The following CNTN3 variants were observed in gnomAD, a reference collection of about 807,000 sequenced individuals.
CNTN3 encodes contactin 3, also known as contactin-3.
A neutral mutation model predicts 119.1 loss-of-function variants in CNTN3; 60 were observed. That is an observed-to-expected ratio of 0.50 (90% CI 0.41 to 0.62). CNTN3 has a LOEUF of 0.62. Among genes scored for constraint, CNTN3 ranks in the 20% least tolerant of loss-of-function variants. CNTN3 has a pLI of 0.00. For missense variants in CNTN3, 1,101 were observed against 1,242.4 expected (o/e 0.89, Z 1.71); for synonymous variants, 450 against 438.7 (o/e 1.03, Z -0.32).
chr3:74,296,683 C>G (rs1559687370), intron 18 of CNTN3, among the ~76,000 whole-genome samples: 1 of 152,122 alleles, frequency 6.6e-6, no homozygotes, highest in Non-Finnish European at 1.5e-5. Context: ...GGCAAAGGCC[C>G]TTGGTTAAAA....
chr3:74,407,144 T>A lies in CNTN3; in HGVS notation c.454+17701A>T, dbSNP rs571610434. On this transcript the variant is annotated intron_variant, in intron 5 of 22. Coordinates refer to ENST00000263665, the MANE Select transcript of CNTN3 (RefSeq NM_020872.3). ...AACTGGAATTTGTTCTATTTTTCTA[T>A]GTAATGCTAAGATAAAGAAATGTGG... is the stretch of plus-strand genomic sequence containing the variant. Among the ~76,000 whole-genome samples, 11 of 152,250 alleles carry A rather than the reference T, an allele frequency of 7.2e-5. No individual in the cohort carries two copies. In the South Asian group the frequency reaches 2.1e-3, roughly 29 times the overall value.
At chr3:74,475,620 G>C (rs887581946) in intron 4 of CNTN3, among the ~76,000 whole-genome samples, 1 of 152,176 alleles carries the variant, frequency 6.6e-6, no homozygotes, top group African/African-American at 2.4e-5. Context: ...AGGAACGGTG[G>C]AAATGAGTAT....
At chr3:74,371,075 T>G (rs1042484810) in intron 6 of CNTN3, 121 bp downstream of exon 6, 15 of 686,330 alleles carry the variant, frequency 2.2e-5, no homozygotes, top group Non-Finnish European at 3.6e-5. Context: ...TAAAATAGTC[T>G]GTGCCAAAAA....
In CNTN3 at chr3:74,574,475, T is replaced by A. The variant is rs578217378; in HGVS notation, c.-81+39916A>T. On this transcript the variant is annotated intron_variant, in intron 1 of 22. Transcript: ENST00000263665. ...TTAGAACATTTTATCAAAACTGAAA[T>A]CTAACTTCTAAGATCCCTGCTTTAT... Among the ~76,000 whole-genome samples, 4 of 152,296 alleles carry A rather than the reference T, an allele frequency of 2.6e-5. No homozygotes were observed. The East Asian group carries it at 7.7e-4, about 29-fold the overall frequency.
chr3:74,558,207 T>C (rs995490169), intron 1 of CNTN3, among the ~76,000 whole-genome samples: 5 of 152,170 alleles, frequency 3.3e-5, no homozygotes, highest in African/African-American at 1.2e-4. Flanking sequence ...GAACCCCCCA[T>C]AGGATGGGCT....
chr3:74,366,651 T>C (rs1704195356), intron 8 of CNTN3, among the ~76,000 whole-genome samples: 1 of 151,698 alleles, frequency 6.6e-6, no homozygotes, highest in Non-Finnish European at 1.5e-5. Context: ...TCTTTCCATT[T>C]CTAGCTCATA....
At position 74,508,968 on chromosome 3, in the gene CNTN3, T is replaced by G. The variant is rs572513297; in HGVS notation, c.56-9183A>C. ...TGAAAGAGTATCACTGGGCCCAAGA[T>G]ACAGTAAAGACAAGAGAGCCCTCCT... On this transcript the variant is annotated intron_variant, in intron 2 of 22. Coordinates refer to ENST00000263665, the MANE Select transcript of CNTN3 (RefSeq NM_020872.3). Among the ~76,000 whole-genome samples, 7 of 152,242 alleles carry G rather than the reference T, an allele frequency of 4.6e-5. No individual in the cohort carries two copies. The South Asian group carries it at 1.5e-3, about 32-fold the overall frequency.
intron 20 of CNTN3, among the ~76,000 whole-genome samples, chr3:74,270,872 G>GA (rs1042339567): frequency 4.4e-4 from 67 of 152,116 alleles, no homozygotes; most frequent in Non-Finnish European, 4.9e-4. Flanking sequence ...TGCTAAATTA[G>GA]AAAAAACTGG....
intron 14 of CNTN3, 117 bp from the exon 15 acceptor site, chr3:74,301,922 A>G: frequency 8.9e-7 from 1 of 1,118,718 alleles, no homozygotes; most frequent in East Asian, 2.4e-5. Context: ...TCCCAATTTC[A>G]GAAGCACTTA....
intron 13 of CNTN3, among the ~76,000 whole-genome samples, chr3:74,309,225 T>C (rs1445525574): frequency 6.6e-6 from 1 of 152,084 alleles, no homozygotes; most frequent in East Asian, 1.9e-4. Flanking sequence ...CCACGTCAGC[T>C]TTCTGGGTAG....
chr3:74,348,968 C>A (rs1703755895), intron 11 of CNTN3, among the ~76,000 whole-genome samples: 1 of 151,728 alleles, frequency 6.6e-6, no homozygotes, highest in South Asian at 2.1e-4. Context: ...TGGCTGTAGT[C>A]CCAGCCACTC....
intron 3 of CNTN3, among the ~76,000 whole-genome samples, chr3:74,498,145 G>A (rs1184329813): frequency 6.6e-6 from 1 of 151,754 alleles, no homozygotes; most frequent in African/African-American, 2.4e-5. Context: ...GCCCACACAT[G>A]AGTCATTCAC....
At chr3:74,400,226 C>T (rs1448236135) in intron 5 of CNTN3, among the ~76,000 whole-genome samples, 3 of 152,166 alleles carry the variant, frequency 2.0e-5, no homozygotes, top group Non-Finnish European at 4.4e-5. Flanking sequence ...CTTTCTTCTC[C>T]TTCAAAGATC....
intron 12 of CNTN3, among the ~76,000 whole-genome samples, chr3:74,335,592 C>T (rs1703373730): frequency 6.6e-6 from 1 of 152,090 alleles, no homozygotes; most frequent in South Asian, 2.1e-4. Context: ...ATGTTGTCTA[C>T]AATTATGCTA....
intron 4 of CNTN3, among the ~76,000 whole-genome samples, chr3:74,439,586 T>A (rs1290720781): frequency 6.6e-6 from 1 of 152,178 alleles, no homozygotes; most frequent in East Asian, 1.9e-4. Context: ...AATATTTACA[T>A]AAGCAAACCA....
At chr3:74,328,194 T>C (rs1703175454) in intron 13 of CNTN3, among the ~76,000 whole-genome samples, 1 of 152,120 alleles carries the variant, frequency 6.6e-6, no homozygotes, top group Admixed American at 6.6e-5. Context: ...AGCAAATTGA[T>C]CTACTGATAG....
chr3:74,383,212 T>C (rs1432395599), intron 5 of CNTN3, among the ~76,000 whole-genome samples: 2 of 152,060 alleles, frequency 1.3e-5, no homozygotes, highest in Non-Finnish European at 2.9e-5. Context: ...TTAAATGATA[T>C]AAAGACACTT....
In CNTN3 at chr3:74,299,611, T is replaced by C. The variant is rs147033708; in HGVS notation, c.2166+257A>G. ...AGGATGACATGAGGAAAATACATGC[T>C]AAATGCTGGGAATAGTGGATGGCTC... On this transcript the variant is annotated intron_variant, in intron 17 of 22. Transcript: ENST00000263665. Among the ~76,000 whole-genome samples the C allele has an allele frequency of 2.0e-5, 3 of 152,326 alleles. No homozygotes were observed. The East Asian group carries it at 5.8e-4, about 29-fold the overall frequency.
At chr3:74,380,070 G>A (rs1381693101) in intron 5 of CNTN3, among the ~76,000 whole-genome samples, 1 of 152,148 alleles carries the variant, frequency 6.6e-6, no homozygotes, top group East Asian at 1.9e-4. Flanking sequence ...TTCCCAAAAC[G>A]ACAGCACTGG....
Sources: gnomAD v4.1 joint callset for allele counts (sites outside exome capture counted in the v4.1 genomes callset) on GRCh38, gnomAD v4.1.1 for gene constraint, MANE v1.5 for transcripts, NCBI Gene and HGNC (gene_info 2026-07-23, HGNC 2026-07-21) for gene names.